Variants in KIF21A observed in about 807,000 individuals in gnomAD.
KIF21A encodes the protein kinesin-like protein KIF21A.
KIF21A carries 114 observed loss-of-function variants against 202.9 expected under a neutral mutation model. The observed-to-expected ratio is 0.56, with a 90% confidence interval of 0.48 to 0.66. KIF21A has a LOEUF of 0.66. Among genes scored for constraint, KIF21A ranks in the 30% least tolerant of loss-of-function variants. The pLI, the probability that KIF21A is intolerant of heterozygous loss-of-function variation, is 0.00. For missense variants in KIF21A, 1,677 were observed against 1,994.9 expected (o/e 0.84, Z 3.04); for synonymous variants, 667 against 670.8 (o/e 0.99, Z 0.09).
chr12:39,317,800 G>A (rs1944727658), intron 29 of KIF21A, among the ~76,000 whole-genome samples: 1 of 152,148 alleles, frequency 6.6e-6, no homozygotes, highest in Non-Finnish European at 1.5e-5. Flanking sequence ...AGATTTTTCA[G>A]TTCTAATTTA....
At chr12:39,413,991 G>A (rs1256908241) in intron 1 of KIF21A, among the ~76,000 whole-genome samples, 2 of 152,100 alleles carry the variant, frequency 1.3e-5, no homozygotes, top group African/African-American at 2.4e-5. Flanking sequence ...TTTACTTGTT[G>A]AAGCTAGTGA....
chr12:39,421,257 C>T (rs1029596361), intron 1 of KIF21A, among the ~76,000 whole-genome samples: 1 of 152,164 alleles, frequency 6.6e-6, no homozygotes, highest in African/African-American at 2.4e-5. Flanking sequence ...GTGTAACAGG[C>T]TATACCATCA....
intron 1 of KIF21A, among the ~76,000 whole-genome samples, chr12:39,382,749 AC>A (rs529154223): frequency 6.6e-6 from 1 of 151,344 alleles, no homozygotes; most frequent in Non-Finnish European, 1.5e-5. Context: ...CAATTAACAA[AC>A]CCCCCTCCCA....
chr12:39,403,059 A>T (rs969068669), intron 1 of KIF21A, among the ~76,000 whole-genome samples: 1 of 152,160 alleles, frequency 6.6e-6, no homozygotes, highest in African/African-American at 2.4e-5. Flanking sequence ...ATCCCCACTT[A>T]AAAGTCAAGA....
At chr12:39,346,391 A>G (rs955316240) in intron 12 of KIF21A, 75 bp downstream of exon 12, 55 of 1,098,170 alleles carry the variant, frequency 5.0e-5, no homozygotes, top group Non-Finnish European at 6.4e-5. Flanking sequence ...CTATAATACT[A>G]TAACACATTT....
intron 30 of KIF21A, 77 bp from the exon 31 acceptor site, chr12:39,315,317 G>T: frequency 7.9e-7 from 1 of 1,259,822 alleles, no homozygotes; most frequent in Non-Finnish European, 1.2e-6. Context: ...TGATAATGGT[G>T]AAAGGGAATG....
At chr12:39,349,201 T>C (rs940670496) in intron 11 of KIF21A, among the ~76,000 whole-genome samples, 2 of 152,064 alleles carry the variant, frequency 1.3e-5, no homozygotes, top group Non-Finnish European at 2.9e-5. Flanking sequence ...AAGAAGGTTC[T>C]TTCCCCTGTC....
At chr12:39,381,742 C>G (rs899008928) in intron 1 of KIF21A, among the ~76,000 whole-genome samples, 1 of 152,094 alleles carries the variant, frequency 6.6e-6, no homozygotes, top group African/African-American at 2.4e-5. Flanking sequence ...CAATTCCTGC[C>G]CCATAAGTGT....
intron 1 of KIF21A, among the ~76,000 whole-genome samples, chr12:39,431,234 T>A (rs1389453168): frequency 6.6e-6 from 1 of 152,176 alleles, no homozygotes; most frequent in Non-Finnish European, 1.5e-5. Flanking sequence ...ATAACTCTGG[T>A]GGCAGCTGCC....
chr12:39,326,198 A>C (rs775850804), intron 25 of KIF21A, 66 bp downstream of exon 25: 17 of 1,170,878 alleles, frequency 1.5e-5, no homozygotes, highest in Non-Finnish European at 2.2e-5. Flanking sequence ...TAATTGTTTG[A>C]TACAAGATGA....
chr12:39,367,186 G>A (rs1461002282), intron 4 of KIF21A, 22 bp from the exon 5 acceptor site: 1 of 1,613,316 alleles, frequency 6.2e-7, no homozygotes, highest in Non-Finnish European at 8.5e-7. Flanking sequence ...GAAGAAACAA[G>A]GACTTTACTT....
chr12:39,326,047 A>T (rs933689535), intron 25 of KIF21A, among the ~76,000 whole-genome samples, 154 bp from the exon 26 acceptor site: 1 of 152,220 alleles, frequency 6.6e-6, no homozygotes, highest in African/African-American at 2.4e-5. Flanking sequence ...TTTAAAAATA[A>T]TTCATTTATG....
rs773328520 is a variant in KIF21A, at chr12:39,367,917, C to T, written c.566G>A (p.Gly189Asp). ...EDSTGGIYTVGVTTRTVNTES... is the reference protein window; with the variant it reads ...EDSTGGIYTVDVTTRTVNTES... ...TGTATTCACAGTACGTGTTGTAACG[C>T]CCACAGTATAAATTCCTCCAGTTGA... The change falls in exon 4 of 38, where the codon GGC (glycine) becomes GAC (aspartate). Residue 189 changes from glycine (G) to aspartate (D), a missense_variant. Around this residue, in one of 3 missense-constraint regions of KIF21A, gnomAD observed 966 missense variants for 1,180.9 expected, o/e 0.82. Transcript: ENST00000361418. 6.2e-7 allele frequency: 1 copy of T among 1,609,660 alleles called. No homozygotes were observed. Among genetic ancestry groups the T allele is most frequent in the South Asian group, 1.1e-5 (1 of 90,944 alleles).
rs553909038 is a variant in KIF21A, at chr12:39,357,198, C to T, written c.1405+50G>A. 28 of 1,487,228 alleles carry T rather than the reference C, an allele frequency of 1.9e-5. No homozygotes were observed. The Middle Eastern group carries it at 2.6e-3, about 136-fold the overall frequency. The allele number at this position is 1,487,228 out of a possible 1,614,324, so 92.1% of individuals were successfully genotyped here. A position where few individuals can be genotyped will look rare whatever the true frequency, so the allele number is the denominator to read the frequency against. On this transcript the variant is annotated intron_variant, in intron 9 of 37. Coordinates refer to ENST00000361418, the MANE Select transcript of KIF21A (RefSeq NM_001173464.2). ...GTAATTAGTGAACACAAAGAATGTT[C>T]CCTGCCCTCCAGAAGTTAATCCCTC...
At position 39,416,737 on chromosome 12, in the gene KIF21A, GTATA is replaced by G. The variant is rs765759023; in HGVS notation, c.44+26186_44+26189del. Among the ~76,000 whole-genome samples, 33 of 73,970 alleles carry G rather than the reference GTATA, an allele frequency of 4.5e-4. 2 individuals carry two copies. The highest frequency in any genetic ancestry group is 3.0e-3 in the African/African-American group (28 of 9,338). The allele number at this position is 73,970 out of a possible 152,430, so 48.5% of individuals were successfully genotyped here. ...TGTGTATATATGTACATATATATGT[GTATA>G]TATATATGTACATATATATGTGTAT... On this transcript the variant is annotated intron_variant, in intron 1 of 37. Transcript: ENST00000361418.
chr12:39,351,683 T>C, intron 11 of KIF21A, 94 bp downstream of exon 11: 2 of 726,766 alleles, frequency 2.8e-6, no homozygotes. Flanking sequence ...TATACTAAGG[T>C]ACTCATGAGA....
intron 11 of KIF21A, among the ~76,000 whole-genome samples, chr12:39,349,776 T>C (rs1432127566): frequency 6.6e-6 from 1 of 152,070 alleles, no homozygotes; most frequent in East Asian, 1.9e-4. Flanking sequence ...TATAGTGTGG[T>C]AAGACATATT....
chr12:39,295,151 T>C (rs1942174097), intron 37 of KIF21A, among the ~76,000 whole-genome samples: 1 of 152,198 alleles, frequency 6.6e-6, no homozygotes, highest in Non-Finnish European at 1.5e-5. Flanking sequence ...TAGCACAGAA[T>C]GTAGAAGATT....
At chr12:39,368,178 T>A in intron 3 of KIF21A, 146 bp from the exon 4 acceptor site, 1 of 606,528 alleles carries the variant, frequency 1.6e-6, no homozygotes, top group East Asian at 2.8e-5. Context: ...TTAAAATGAA[T>A]GAGGCTATTA....
Sources: allele counts gnomAD v4.1 joint callset (sites outside exome capture counted in the v4.1 genomes callset), GRCh38; gene constraint gnomAD v4.1.1; regional missense constraint gnomAD v4.1.1; transcripts MANE v1.5; gene names NCBI Gene and HGNC (gene_info 2026-07-23, HGNC 2026-07-21).